Variants in VSTM5 observed in about 807,000 individuals in gnomAD.
VSTM5 encodes V-set and transmembrane domain-containing protein 5.
VSTM5 carries 21 observed loss-of-function variants against 20.3 expected under a neutral mutation model. The observed-to-expected ratio is 1.03, with a 90% CI of 0.73 to 1.49. VSTM5 has a LOEUF of 1.49. Ranked by LOEUF, VSTM5 falls within the 40% of genes most tolerant of loss-of-function variation. The pLI is 0.00. For synonymous variants in VSTM5, 100 were observed against 102.5 expected (o/e 0.98, Z 0.14); for missense variants, 219 against 250.0 (o/e 0.88, Z 0.84).
In VSTM5 at chr11:93,821,334, A is replaced by G; in HGVS notation, c.92-11T>C. ...GGGACACACCCTGACCTGCAGGATG[A>G]TATGCTGGATGTTGGGCACATATAT... On this transcript the variant is annotated splice_polypyrimidine_tract_variant and intron_variant, in intron 1 of 3. Coordinates refer to ENST00000409977, the MANE Select transcript of VSTM5 (RefSeq NM_001144871.2). 6.5e-7 allele frequency: 1 copy of G among 1,546,580 alleles called. No individual in the cohort carries two copies. Among genetic ancestry groups the G allele is most frequent in the Non-Finnish European group, 8.7e-7 (1 of 1,143,188 alleles).
intron 1 of VSTM5, among the ~76,000 whole-genome samples, chr11:93,830,451 G>T (rs914370970): frequency 2.6e-5 from 4 of 150,990 alleles, no homozygotes; most frequent in African/African-American, 9.9e-5. Context: ...GCCCAAGACC[G>T]CAAGATCGTT....
At chr11:93,828,477 A>T (rs1258902513) in intron 1 of VSTM5, among the ~76,000 whole-genome samples, 2 of 152,310 alleles carry the variant, frequency 1.3e-5, no homozygotes, top group Admixed American at 6.5e-5. Context: ...TCGTTTTTTT[A>T]AAAATCGATT....
intron 1 of VSTM5, among the ~76,000 whole-genome samples, chr11:93,827,109 C>G (rs1944244764): frequency 6.6e-6 from 1 of 152,166 alleles, no homozygotes; most frequent in African/African-American, 2.4e-5. Flanking sequence ...ACAGGCCGGA[C>G]ACGGTGGCTC....
At chr11:93,826,814 AT>A (rs1276564977) in intron 1 of VSTM5, among the ~76,000 whole-genome samples, 2 of 151,644 alleles carry the variant, frequency 1.3e-5, no homozygotes, top group Admixed American at 1.3e-4. Context: ...TTGTTTCAAG[AT>A]TTTTTTTCTT....
chr11:93,835,928 T>C (rs1944319438), intron 1 of VSTM5, among the ~76,000 whole-genome samples: 1 of 152,054 alleles, frequency 6.6e-6, no homozygotes, highest in South Asian at 2.1e-4. Context: ...ATACTACCTA[T>C]TCAAACATAA....
intron 1 of VSTM5, among the ~76,000 whole-genome samples, chr11:93,831,105 G>A (rs923823670): frequency 6.6e-6 from 1 of 151,992 alleles, no homozygotes; most frequent in Middle Eastern, 3.4e-3. Context: ...TGTTGCCCAG[G>A]CTAGAGTACA....
intron 1 of VSTM5, among the ~76,000 whole-genome samples, chr11:93,829,864 C>T (rs1161750601): frequency 2.0e-5 from 3 of 152,190 alleles, no homozygotes; most frequent in African/African-American, 4.8e-5. Context: ...CCCAATGTCA[C>T]GGTAAGTGGC....
Position 93,820,426 on chromosome 11 carries a change from A to C in VSTM5, c.*143T>G. 2.4e-6 allele frequency: 2 copies of C among 823,180 alleles called. No homozygotes were observed. The highest frequency in any genetic ancestry group is 3.9e-6 in the Non-Finnish European group (2 of 514,246). 51.0% of individuals were successfully genotyped at this position (823,180 alleles called of 1,614,324 possible). A position where few individuals can be genotyped will look rare whatever the true frequency, so the allele number is the denominator to read the frequency against. ...CCATCCACAGTCCTCAACTCCATGC[A>C]GTCAATGTTGTTAATCTCCCACTGT... On this transcript the variant is annotated 3_prime_UTR_variant, in exon 4 of 4. Transcript: ENST00000409977.
chr11:93,821,112 G>A lies in VSTM5; in HGVS notation c.303C>T (p.Asp101=). 6.4e-7 allele frequency: 1 copy of A among 1,552,044 alleles called. No homozygotes were observed. Among genetic ancestry groups the A allele is most frequent in the African/African-American group, 1.4e-5 (1 of 73,160 alleles). ...CGCTGAAGAGCTGGATGGAGCCGTT[G>A]TCAAAGGTGCAGACTCTGTCCTTGT... The part of the protein sequence containing the change: ...QSHKDRVCTF[D]NGSIQLFSVG... Residue 101 remains aspartate (D), a synonymous_variant, in exon 2 of 4, where the codon GAC becomes GAT. Transcript: ENST00000409977.
intron 1 of VSTM5, among the ~76,000 whole-genome samples, chr11:93,824,278 C>T (rs1944215192): frequency 6.6e-6 from 1 of 152,068 alleles, no homozygotes; most frequent in Admixed American, 6.6e-5. Flanking sequence ...AATTTACATT[C>T]CCACCGACAT....
chr11:93,828,745 A>C (rs1336083558), intron 1 of VSTM5, among the ~76,000 whole-genome samples: 1 of 152,208 alleles, frequency 6.6e-6, no homozygotes, highest in African/African-American at 2.4e-5. Flanking sequence ...CCAGAAACTA[A>C]GCATCATTGT....
intron 1 of VSTM5, among the ~76,000 whole-genome samples, chr11:93,849,805 C>A (rs1328510276): frequency 1.3e-5 from 2 of 152,226 alleles, no homozygotes; most frequent in Non-Finnish European, 2.9e-5. Flanking sequence ...GTCCGGCCAT[C>A]CAAAGCAAAT....
chr11:93,820,660 G>T, intron 3 of VSTM5, 48 bp from the exon 4 acceptor site: 2 of 1,551,604 alleles, frequency 1.3e-6, no homozygotes, highest in Non-Finnish European at 1.7e-6. Context: ...GCCACATAGT[G>T]CTTTCTTCGT....
intron 1 of VSTM5, among the ~76,000 whole-genome samples, chr11:93,847,636 G>A (rs1430568341): frequency 6.6e-6 from 1 of 152,266 alleles, no homozygotes; most frequent in Non-Finnish European, 1.5e-5. Flanking sequence ...ACTTCCGAAT[G>A]AGAGGGAGCA....
intron 1 of VSTM5, among the ~76,000 whole-genome samples, chr11:93,824,100 G>T (rs1343023891): frequency 1.3e-5 from 2 of 152,020 alleles, no homozygotes; most frequent in Non-Finnish European, 2.9e-5. Context: ...TAGAGATGGG[G>T]TTTCACCATG....
At chr11:93,840,903 A>G (rs1272787221) in intron 1 of VSTM5, among the ~76,000 whole-genome samples, 1 of 151,550 alleles carries the variant, frequency 6.6e-6, no homozygotes, top group African/African-American at 2.4e-5. Flanking sequence ...ATCAAGAGAA[A>G]ACACCAAGGT....
At chr11:93,833,036 G>A (rs1457212834) in intron 1 of VSTM5, among the ~76,000 whole-genome samples, 2 of 152,194 alleles carry the variant, frequency 1.3e-5, no homozygotes, top group Non-Finnish European at 2.9e-5. Context: ...ACATGTAGCT[G>A]TTGAGCACTT....
chr11:93,844,107 C>T (rs1397352425), intron 1 of VSTM5, among the ~76,000 whole-genome samples: 1 of 152,194 alleles, frequency 6.6e-6, no homozygotes, highest in Non-Finnish European at 1.5e-5. Flanking sequence ...CACCAGCACA[C>T]AGCAGTATGT....
At position 93,850,482 on chromosome 11, in the gene VSTM5, C is replaced by T; in HGVS notation, c.21G>A (p.Gly7=). The T allele has an allele frequency of 6.5e-7, 1 of 1,549,886 alleles. No homozygotes were observed. The change falls in exon 1 of 4, where the codon GGG becomes GGA. Residue 7 remains glycine (G), a synonymous_variant. Transcript: ENST00000409977. Reference sequence around the variant, plus strand: ...GGGAGATGCCTCGGGTCTTCCTCCTCCCGCTGGGCAGAGGCCTCATGGGCG... The same window carrying T: ...GGGAGATGCCTCGGGTCTTCCTCCTTCCGCTGGGCAGAGGCCTCATGGGCG... MRPLPS[G]RRKTRGISLG... is the part of the protein sequence containing the mutation.
Sources: allele counts gnomAD v4.1 joint callset (sites outside exome capture counted in the v4.1 genomes callset), GRCh38; gene constraint gnomAD v4.1.1; transcripts MANE v1.5; gene names NCBI Gene and HGNC (gene_info 2026-07-23, HGNC 2026-07-21).